Variants in PDZD2 observed in about 807,000 individuals in gnomAD.
PDZD2 encodes the protein PDZ domain-containing protein 2.
Under a neutral mutation model 220.7 loss-of-function variants are expected in PDZD2, and 90 were observed. That is an observed-to-expected ratio of 0.41 (90% CI 0.34 to 0.49). The LOEUF is 0.49. PDZD2 is among the 20% of genes least tolerant of loss of function. The pLI is 0.28. For synonymous variants in PDZD2, 1,375 were observed against 1,450.5 expected (o/e 0.95, Z 1.18); for missense variants, 3,174 against 3,608.5 (o/e 0.88, Z 3.08).
At chr5:31,721,087 A>AG (rs1748762971) in intron 1 of PDZD2, among the ~76,000 whole-genome samples, 1 of 152,184 alleles carries the variant, frequency 6.6e-6, no homozygotes, top group Non-Finnish European at 1.5e-5. Context: ...CCAACAGTGA[A>AG]GACCAGTAAG....
intron 7 of PDZD2, among the ~76,000 whole-genome samples, chr5:32,039,639 G>A (rs113917136): frequency 0.015 from 2,301 of 150,650 alleles, 63 homozygotes; most frequent in African/African-American, 0.052. Context: ...CTGCCCGGCC[G>A]CCAACCTGTC....
chr5:31,746,958 T>C (rs1000635918), intron 1 of PDZD2, among the ~76,000 whole-genome samples: 1 of 152,220 alleles, frequency 6.6e-6, no homozygotes, highest in Non-Finnish European at 1.5e-5. Context: ...TTGGGGAGCA[T>C]GAGGTCAGGA....
intron 23 of PDZD2, chr5:32,100,157 G>A (rs980974780): frequency 6.5e-6 from 1 of 152,706 alleles, no homozygotes; most frequent in African/African-American, 2.4e-5. Flanking sequence ...GCTCCCCCCA[G>A]TGTTAGTAAA....
At chr5:32,064,781 A>G (rs1370503351) in intron 14 of PDZD2, among the ~76,000 whole-genome samples, 1 of 151,580 alleles carries the variant, frequency 6.6e-6, no homozygotes, top group Non-Finnish European at 1.5e-5. Flanking sequence ...CAGCCTGGCC[A>G]ACATAGCAAA....
At chr5:31,838,534 C>A (rs958294586) in intron 2 of PDZD2, among the ~76,000 whole-genome samples, 7 of 152,224 alleles carry the variant, frequency 4.6e-5, no homozygotes, top group Non-Finnish European at 1.0e-4. Context: ...CAAATTCAAA[C>A]AGGTAAACAG....
chr5:32,026,024 G>A (rs1219295899), intron 6 of PDZD2, among the ~76,000 whole-genome samples: 2 of 152,200 alleles, frequency 1.3e-5, no homozygotes, highest in Non-Finnish European at 2.9e-5. Context: ...CTAAAAAAGA[G>A]CCTGGTATGT....
intron 2 of PDZD2, among the ~76,000 whole-genome samples, chr5:31,906,901 T>TA (rs1742711557): frequency 6.6e-6 from 1 of 152,194 alleles, no homozygotes; most frequent in Non-Finnish European, 1.5e-5. Flanking sequence ...TATTTGAACA[T>TA]ATTTTCCACC....
intron 7 of PDZD2, among the ~76,000 whole-genome samples, chr5:32,044,346 C>A (rs746271214): frequency 1.7e-4 from 26 of 151,912 alleles, no homozygotes; most frequent in Non-Finnish European, 3.2e-4. Context: ...AACCAGAAGG[C>A]CTTCTAAAGA....
rs1751994619 is a variant in PDZD2, at chr5:32,000,254, C to T, written c.1237C>T (p.Leu413Phe). ...TCGCTCCGCCACGGGAATGGTGCAG[C>T]TTGTGGTGGCCAGCAAGGTAGGTCG... ...ILRSATGMVQ[L>F]VVASKENSAE... is the part of the protein sequence containing the mutation. Residue 413 changes from leucine (L) to phenylalanine (F), a missense_variant, in exon 5 of 25, where the codon CTT becomes TTT. Transcript: ENST00000438447. This position sits in a 1 kb window ranked among gnomAD's most constrained non-coding sequence, Gnocchi z 4.5. The T allele has an allele frequency of 6.2e-7, 1 of 1,614,186 alleles. No homozygotes were observed. The highest frequency in any genetic ancestry group is 8.5e-7 in the Non-Finnish European group (1 of 1,180,032).
At chr5:31,907,785 A>G (rs1406347187) in intron 2 of PDZD2, among the ~76,000 whole-genome samples, 2 of 152,194 alleles carry the variant, frequency 1.3e-5, no homozygotes, top group East Asian at 1.9e-4. Flanking sequence ...AAATGAAGGC[A>G]TAAGAAAAGG....
intron 2 of PDZD2, among the ~76,000 whole-genome samples, chr5:31,919,964 G>C (rs930307613): frequency 8.6e-5 from 13 of 152,036 alleles, no homozygotes; most frequent in African/African-American, 3.1e-4. Flanking sequence ...AGGCTGCAGT[G>C]AGCTATGACT....
chr5:31,973,140 A>C (rs1749454612), intron 2 of PDZD2, among the ~76,000 whole-genome samples: 1 of 152,202 alleles, frequency 6.6e-6, no homozygotes, highest in Non-Finnish European at 1.5e-5. Context: ...ATTCATAAAG[A>C]AAGGAGGTGC....
chr5:32,010,391 C>T lies in PDZD2; in HGVS notation c.1316C>T (p.Ser439Leu), dbSNP rs145707830. The T allele has an allele frequency of 1.7e-5, 28 of 1,612,154 alleles. No homozygotes were observed. The highest frequency in any genetic ancestry group is 1.6e-4 in the Middle Eastern group (1 of 6,080). Residue 439 changes from serine (S) to leucine (L), a missense_variant, in exon 6 of 25, where the codon TCG becomes TTG. Transcript: ENST00000438447. The stretch of plus-strand genomic sequence containing the variant: ...AAGAGCTTGCCAGATCTGACCAGCT[C>T]GGTAGAAGATGTGTCCTCCTGGACT... ...TSKSLPDLTS[S>L]VEDVSSWTDN...
chr5:31,882,076 TA>T (rs1380451923), intron 2 of PDZD2, among the ~76,000 whole-genome samples: 18 of 152,310 alleles, frequency 1.2e-4, no homozygotes, highest in African/African-American at 3.4e-4. Context: ...TCTGGGTGTG[TA>T]AAAACCCATC....
At chr5:31,797,683 C>T (rs925547481) in intron 1 of PDZD2, among the ~76,000 whole-genome samples, 1 of 152,156 alleles carries the variant, frequency 6.6e-6, no homozygotes, top group Non-Finnish European at 1.5e-5. Context: ...ATTTGCTAAG[C>T]TTTTGATTTA....
chr5:31,872,780 G>A (rs766426377), intron 2 of PDZD2, among the ~76,000 whole-genome samples: 5 of 152,150 alleles, frequency 3.3e-5, no homozygotes, highest in Non-Finnish European at 7.3e-5. Flanking sequence ...ACATACGTGT[G>A]TGTATGTGTG....
intron 2 of PDZD2, among the ~76,000 whole-genome samples, chr5:31,813,096 T>C (rs1561479359): frequency 6.6e-6 from 1 of 152,192 alleles, no homozygotes; most frequent in Non-Finnish European, 1.5e-5. Flanking sequence ...TAAGCATAGA[T>C]TGTGCCTTAC....
intron 18 of PDZD2, among the ~76,000 whole-genome samples, chr5:32,075,682 A>T (rs181897562): frequency 2.0e-5 from 3 of 152,346 alleles, no homozygotes; most frequent in African/African-American, 7.2e-5. Context: ...CGAGAAATCA[A>T]TGTTGTTTAT....
intron 1 of PDZD2, among the ~76,000 whole-genome samples, chr5:31,642,470 G>C (rs554654619): frequency 1.2e-4 from 19 of 152,326 alleles, no homozygotes; most frequent in Non-Finnish European, 2.5e-4. Context: ...ATGAAGCCAG[G>C]CTGCAAGGGA....
Sources: allele counts gnomAD v4.1 joint callset (sites outside exome capture counted in the v4.1 genomes callset), GRCh38; gene constraint gnomAD v4.1.1; non-coding constraint Gnocchi (gnomAD v3.1); transcripts MANE v1.5; gene names NCBI Gene and HGNC (gene_info 2026-07-23, HGNC 2026-07-21).